Variants in THSD7B observed in about 807,000 individuals in gnomAD.
THSD7B encodes the protein thrombospondin type-1 domain-containing protein 7B.
A neutral mutation model predicts 213.6 loss-of-function variants in THSD7B; 138 were observed. The observed-to-expected ratio is 0.65, with a 90% CI of 0.56 to 0.74. THSD7B has a LOEUF of 0.74. Among genes scored for constraint, THSD7B ranks in the 30% least tolerant of loss-of-function variants. THSD7B has a pLI of 0.00. For missense variants in THSD7B, 1,931 were observed against 1,991.5 expected (o/e 0.97, Z 0.58); for synonymous variants, 742 against 687.0 (o/e 1.08, Z -1.25).
At chr2:137,365,843 G>C (rs979159284) in intron 12 of THSD7B, among the ~76,000 whole-genome samples, 23 of 152,160 alleles carry the variant, frequency 1.5e-4, no homozygotes, top group Admixed American at 1.0e-3. Flanking sequence ...CGATCCCTCA[G>C]GGATGTAGAA....
intron 7 of THSD7B, among the ~76,000 whole-genome samples, chr2:137,226,458 T>C (rs965071138): frequency 2.0e-5 from 3 of 151,836 alleles, no homozygotes; most frequent in Non-Finnish European, 4.4e-5. Flanking sequence ...TGTTTGTTTA[T>C]TTTTATAAAA....
intron 2 of THSD7B, among the ~76,000 whole-genome samples, chr2:136,908,793 T>C (rs1386331993): frequency 1.3e-5 from 2 of 152,190 alleles, no homozygotes; most frequent in Non-Finnish European, 2.9e-5. Flanking sequence ...TTTTGAGGCA[T>C]GGCTACTGAG....
At position 137,194,612 on chromosome 2, in the gene THSD7B, T is replaced by G. The variant is rs113767838; in HGVS notation, c.1723+23674T>G. 8.0e-3 allele frequency among the ~76,000 whole-genome samples: 1,225 copies of G among 152,354 alleles called. 17 individuals carry two copies. Among genetic ancestry groups the G allele is most frequent in the African/African-American group, 0.027 (1,134 of 41,580 alleles). ...TAACATCAACCTTTGAGTCTTTCAG[T>G]GTTGTTTCAGTGTTTTCTTCATACA... On this transcript the variant is annotated intron_variant, in intron 7 of 27. Coordinates refer to ENST00000409968, the MANE Select transcript of THSD7B (RefSeq NM_001316349.2).
intron 12 of THSD7B, among the ~76,000 whole-genome samples, chr2:137,372,966 C>A (rs371447998): frequency 2.0e-5 from 3 of 149,668 alleles, no homozygotes; most frequent in East Asian, 2.0e-4. Context: ...TTTGTTCTTG[C>A]GATAGTTTAC....
chr2:137,460,344 T>C (rs1453118943), intron 15 of THSD7B, among the ~76,000 whole-genome samples: 2 of 152,202 alleles, frequency 1.3e-5, no homozygotes, highest in Non-Finnish European at 2.9e-5. Context: ...TGTTGCTTGA[T>C]ACACGGTAAG....
intron 12 of THSD7B, among the ~76,000 whole-genome samples, chr2:137,345,313 T>G (rs915706265): frequency 1.3e-5 from 2 of 151,724 alleles, no homozygotes; most frequent in Admixed American, 1.3e-4. Context: ...ATTAACTTTC[T>G]TATTAAGCAC....
intron 4 of THSD7B, among the ~76,000 whole-genome samples, chr2:137,112,644 CTT>C (rs1688369678): frequency 6.6e-6 from 1 of 152,086 alleles, no homozygotes; most frequent in Non-Finnish European, 1.5e-5. Context: ...ATAATCTAAA[CTT>C]TATGTTTCTT....
intron 12 of THSD7B, among the ~76,000 whole-genome samples, chr2:137,402,713 G>A (rs1290883331): frequency 6.6e-6 from 1 of 151,160 alleles, no homozygotes; most frequent in African/African-American, 2.4e-5. Context: ...CTACTCTGGA[G>A]GCTGAGGCAT....
At chr2:137,590,523 G>A (rs995123723) in intron 17 of THSD7B, among the ~76,000 whole-genome samples, 13 of 152,096 alleles carry the variant, frequency 8.5e-5, no homozygotes, top group African/African-American at 3.1e-4. Context: ...TTGTGTATGT[G>A]TGTGTTTGTG....
At chr2:136,852,584 G>A (rs1423091297) in intron 1 of THSD7B, among the ~76,000 whole-genome samples, 1 of 152,156 alleles carries the variant, frequency 6.6e-6, no homozygotes, top group South Asian at 2.1e-4. Flanking sequence ...GTTTTAAGCT[G>A]CTAAGTTTGT....
At chr2:136,823,850 T>C (rs1280320563) in intron 1 of THSD7B, among the ~76,000 whole-genome samples, 1 of 152,216 alleles carries the variant, frequency 6.6e-6, no homozygotes, top group African/African-American at 2.4e-5. Context: ...GAATTGTCCC[T>C]GTTGGTATTA....
chr2:137,295,573 T>A (rs1227270005), intron 12 of THSD7B, among the ~76,000 whole-genome samples: 1 of 152,030 alleles, frequency 6.6e-6, no homozygotes, highest in Non-Finnish European at 1.5e-5. Context: ...ACTCCCTGGT[T>A]CAAGCAATTC....
intron 12 of THSD7B, among the ~76,000 whole-genome samples, chr2:137,356,774 C>T (rs944307543): frequency 1.3e-5 from 2 of 152,134 alleles, no homozygotes; most frequent in Non-Finnish European, 2.9e-5. Flanking sequence ...ACTGAATACA[C>T]CTTTTAGGTA....
intron 1 of THSD7B, among the ~76,000 whole-genome samples, chr2:136,872,390 T>TGGGGGGGGGGGGGG (rs201478828): frequency 2.6e-5 from 1 of 38,630 alleles, no homozygotes; most frequent in Non-Finnish European, 4.7e-5. Context: ...TTCGGGGGGG[T>TGGGGGGGGGGGGGG]GGGGGGGACT....
intron 1 of THSD7B, among the ~76,000 whole-genome samples, chr2:136,779,212 G>T (rs1021362754): frequency 6.6e-6 from 1 of 151,000 alleles, no homozygotes; most frequent in Non-Finnish European, 1.5e-5. Flanking sequence ...GTGTGTGTGT[G>T]TGTGTGTGTG....
chr2:136,865,686 T>C (rs781748500), intron 1 of THSD7B, among the ~76,000 whole-genome samples: 7 of 152,180 alleles, frequency 4.6e-5, no homozygotes, highest in Admixed American at 2.0e-4. Flanking sequence ...AGAAAAACAA[T>C]AGCATGTGTT....
intron 2 of THSD7B, among the ~76,000 whole-genome samples, chr2:137,035,304 C>T (rs577725847): frequency 2.8e-4 from 43 of 152,140 alleles, no homozygotes; most frequent in Non-Finnish European, 2.9e-5. Context: ...CTGTTAGGGA[C>T]GTATGTAAAG....
At chr2:137,649,150 C>G (rs1237691425) in intron 21 of THSD7B, among the ~76,000 whole-genome samples, 1 of 151,826 alleles carries the variant, frequency 6.6e-6, no homozygotes, top group Non-Finnish European at 1.5e-5. Flanking sequence ...GTTCTTTGAA[C>G]TATTTATTTA....
At chr2:137,085,016 A>G (rs1214877431) in intron 3 of THSD7B, among the ~76,000 whole-genome samples, 1 of 152,160 alleles carries the variant, frequency 6.6e-6, no homozygotes, top group Non-Finnish European at 1.5e-5. Context: ...GGTAAAAGTA[A>G]AAGTCTATAT....
Sources: allele counts gnomAD v4.1 joint callset (sites outside exome capture counted in the v4.1 genomes callset), GRCh38; gene constraint gnomAD v4.1.1; transcripts MANE v1.5; gene names NCBI Gene and HGNC (gene_info 2026-07-23, HGNC 2026-07-21).